The following CNTLN variants were observed in gnomAD, a reference collection of about 807,000 sequenced individuals.
The protein encoded by CNTLN is centlein, centrosomal protein.
In CNTLN, 212 loss-of-function variants were observed where a neutral mutation model predicts 180.0. The observed-to-expected ratio is 1.18, with a 90% confidence interval of 1.05 to 1.32. The LOEUF (loss-of-function observed/expected upper bound fraction) is 1.32. Ranked by LOEUF, CNTLN falls within the 40% of genes most tolerant of loss-of-function variation. CNTLN has a pLI of 0.00. For synonymous variants in CNTLN, 722 were observed against 563.1 expected, an observed-to-expected ratio of 1.28 and a Z score of -3.99; for missense variants, 2,095 against 1,610.9, an observed-to-expected ratio of 1.30 and a Z score of -5.14.
At chr9:17,143,031 A>C (rs16935361) in intron 1 of CNTLN, among the ~76,000 whole-genome samples, 5,751 of 152,258 alleles carry the variant, frequency 0.038, 361 homozygotes, top group African/African-American at 0.13. Flanking sequence ...CTTTTAGAGC[A>C]AGTTTAACTA....
intron 5 of CNTLN, among the ~76,000 whole-genome samples, chr9:17,270,546 C>T (rs1057181954): frequency 6.6e-6 from 1 of 152,080 alleles, no homozygotes; most frequent in Non-Finnish European, 1.5e-5. Context: ...AGTGATATTG[C>T]CCTGAAATGT....
chr9:17,501,293 G>T (rs994288899), intron 25 of CNTLN, among the ~76,000 whole-genome samples: 2 of 152,204 alleles, frequency 1.3e-5, no homozygotes, highest in Admixed American at 1.3e-4. Flanking sequence ...GGAGAAGGCA[G>T]ATTACTGTAA....
intron 15 of CNTLN, among the ~76,000 whole-genome samples, chr9:17,404,779 C>T (rs1827249574): frequency 6.7e-6 from 1 of 148,244 alleles, no homozygotes; most frequent in African/African-American, 2.5e-5. Flanking sequence ...GCTCTGTCTG[C>T]CAGGCTGGAG....
intron 10 of CNTLN, among the ~76,000 whole-genome samples, chr9:17,340,204 T>G (rs1281820105): frequency 1.3e-5 from 2 of 152,140 alleles, no homozygotes; most frequent in Non-Finnish European, 2.9e-5. Context: ...ACCTAGGTAT[T>G]GACACAACAA....
At position 17,358,354 on chromosome 9, in the gene CNTLN, A is replaced by T. The variant is rs544582297; in HGVS notation, c.1887-8263A>T. On this transcript the variant is annotated intron_variant, in intron 12 of 25. Transcript: ENST00000380647. Reference sequence around the variant, plus strand: ...TAAAAAGCAAAAGTTGATTGAAAAGAAGAAAGTTGAATAACAGTATATATA... The same window carrying T: ...TAAAAAGCAAAAGTTGATTGAAAAGTAGAAAGTTGAATAACAGTATATATA... 2.6e-5 allele frequency among the ~76,000 whole-genome samples: 4 copies of T among 152,248 alleles called. No homozygotes were observed. The East Asian group carries it at 5.8e-4, about 22-fold the overall frequency.
chr9:17,433,306 A>G (rs1163488626), intron 18 of CNTLN, among the ~76,000 whole-genome samples: 1 of 151,110 alleles, frequency 6.6e-6, no homozygotes, highest in African/African-American at 2.4e-5. Flanking sequence ...TTTTTTTGAA[A>G]TGGAGTCTCG....
rs1820590538 is a variant in CNTLN at position 17,330,748 on chromosome 9, A to G, written c.1458A>G (p.Ile486Met). ...KIANEKLSEN[I>M]SANKGFSRKS... Reference sequence around the variant, plus strand: ...CAAATGAAAAACTGTCAGAAAACATATCTGCCAACAAGGGTTTCTCCCGAA... The same window carrying G: ...CAAATGAAAAACTGTCAGAAAACATGTCTGCCAACAAGGGTTTCTCCCGAA... The change falls in exon 9 of 26, where the codon ATA (isoleucine) becomes ATG (methionine). Residue 486 changes from isoleucine (I) to methionine (M), a missense_variant. Ile to Met is a conservative substitution (Grantham distance 10). Transcript: ENST00000380647. 1.9e-6 allele frequency: 3 copies of G among 1,611,928 alleles called. No individual in the cohort carries two copies. The highest frequency in any genetic ancestry group is 2.5e-6 in the Non-Finnish European group (3 of 1,178,762).
chr9:17,167,710 A>G (rs1205392607), intron 2 of CNTLN: 2 of 152,218 alleles, frequency 1.3e-5, no homozygotes, highest in African/African-American at 2.4e-5. Context: ...TAACAGAGTG[A>G]TGCAATTTTT....
intron 5 of CNTLN, among the ~76,000 whole-genome samples, chr9:17,260,715 T>G (rs899883025): frequency 1.1e-4 from 16 of 151,578 alleles, no homozygotes; most frequent in Admixed American, 2.6e-4. Flanking sequence ...ATTTGTCAAT[T>G]TTTGTTGCAG....
At chr9:17,312,755 G>A (rs941337821) in intron 8 of CNTLN, among the ~76,000 whole-genome samples, 2 of 151,974 alleles carry the variant, frequency 1.3e-5, no homozygotes, top group African/African-American at 2.4e-5. Flanking sequence ...TTGTTTTGGT[G>A]AAAGTACTAT....
intron 6 of CNTLN, 46 bp from the exon 7 acceptor site, chr9:17,298,144 T>G (rs1401693428): frequency 7.3e-7 from 1 of 1,362,416 alleles, no homozygotes; most frequent in Non-Finnish European, 9.6e-7. Flanking sequence ...TTAACTGAGA[T>G]GATCTTTATC....
intron 3 of CNTLN, among the ~76,000 whole-genome samples, chr9:17,234,240 A>G (rs1824996531): frequency 6.6e-6 from 1 of 152,100 alleles, no homozygotes; most frequent in Non-Finnish European, 1.5e-5. Context: ...AGTTGAGTCC[A>G]GGAGTTTGAG....
intron 8 of CNTLN, among the ~76,000 whole-genome samples, chr9:17,311,208 A>G (rs1333764712): frequency 2.0e-5 from 3 of 151,698 alleles, no homozygotes; most frequent in African/African-American, 4.8e-5. Context: ...TATTTTTAGT[A>G]TAGACGGGGT....
At chr9:17,473,186 C>G (rs1200657341) in intron 23 of CNTLN, among the ~76,000 whole-genome samples, 1 of 152,160 alleles carries the variant, frequency 6.6e-6, no homozygotes, top group East Asian at 1.9e-4. Context: ...GGGCTCTCAG[C>G]ACTATGTGAT....
chr9:17,493,360 T>A (rs977844297), intron 25 of CNTLN, among the ~76,000 whole-genome samples: 3 of 152,140 alleles, frequency 2.0e-5, no homozygotes, highest in Non-Finnish European at 4.4e-5. Flanking sequence ...CTTATTAATA[T>A]AAGAGCCAAA....
At chr9:17,234,744 G>T (rs1001469603) in intron 3 of CNTLN, among the ~76,000 whole-genome samples, 1 of 152,148 alleles carries the variant, frequency 6.6e-6, no homozygotes. Context: ...GTGTTATTGA[G>T]TCTGACTTGG....
intron 18 of CNTLN, among the ~76,000 whole-genome samples, chr9:17,436,761 T>C (rs1829801901): frequency 6.6e-6 from 1 of 152,252 alleles, no homozygotes; most frequent in Non-Finnish European, 1.5e-5. Flanking sequence ...CCATTGTTTT[T>C]TTCCTGTCAG....
chr9:17,266,833 C>T (rs1305721104), intron 5 of CNTLN, among the ~76,000 whole-genome samples: 1 of 152,076 alleles, frequency 6.6e-6, no homozygotes, highest in East Asian at 1.9e-4. Context: ...GGTTTGAAGT[C>T]TGTTTTATCA....
chr9:17,324,594 G>C (rs983158078), intron 8 of CNTLN, among the ~76,000 whole-genome samples: 24 of 152,012 alleles, frequency 1.6e-4, no homozygotes, highest in African/African-American at 5.8e-4. Context: ...TTAGCTTGTG[G>C]TTGCTCAATT....
Sources: gnomAD v4.1 joint callset for allele counts (sites outside exome capture counted in the v4.1 genomes callset) on GRCh38, gnomAD v4.1.1 for gene constraint, MANE v1.5 for transcripts, NCBI Gene and HGNC (gene_info 2026-07-23, HGNC 2026-07-21) for gene names.